The following NRG1 variants were observed in gnomAD, a reference collection of about 807,000 sequenced individuals.
NRG1 encodes the protein pro-neuregulin-1, membrane-bound isoform.
Under a neutral mutation model 63.8 loss-of-function variants are expected in NRG1, and 18 were observed. The observed-to-expected ratio is 0.28, with a 90% CI of 0.19 to 0.42. The LOEUF (loss-of-function observed/expected upper bound fraction) is 0.42. Ranked by LOEUF, NRG1 falls within the 10% of genes least tolerant of loss-of-function variation. The probability of loss-of-function intolerance (pLI) is 1.00; values close to 1 mark genes in which losing one functional copy is unlikely to be tolerated. For missense variants in NRG1, 762 were observed against 814.7 expected (o/e 0.94, Z 0.79); for synonymous variants, 302 against 301.3 (o/e 1.00, Z -0.02).
intron 1 of NRG1, among the ~76,000 whole-genome samples, chr8:31,922,208 C>A (rs1406931160): frequency 6.6e-6 from 1 of 152,122 alleles, no homozygotes; most frequent in African/African-American, 2.4e-5. Context: ...CTTGTTATCG[C>A]ATTAGTTGTT....
At position 31,786,134 on chromosome 8, in the gene NRG1, T is replaced by A. The variant is rs547211812; in HGVS notation, c.37+146703T>A. ...TGGAGGTTTGGGGTTGAGGTAGCAA[T>A]GGGGAGATAAAATGAATATGGCTTG... On this transcript the variant is annotated intron_variant, in intron 1 of 10. Transcript: ENST00000519301. Among the ~76,000 whole-genome samples the A allele has an allele frequency of 8.5e-5, 13 of 152,176 alleles. No individual in the cohort carries two copies. The East Asian group carries it at 2.3e-3, about 27-fold the overall frequency.
chr8:31,845,102 G>A (rs1033095453), intron 1 of NRG1, among the ~76,000 whole-genome samples: 13 of 123,260 alleles, frequency 1.1e-4, no homozygotes, highest in African/African-American at 4.3e-4. Context: ...GTGAGACTCC[G>A]TCTCAAATAA....
chr8:31,820,575 G>T (rs183036827), intron 1 of NRG1, among the ~76,000 whole-genome samples: 1 of 152,152 alleles, frequency 6.6e-6, no homozygotes, highest in Non-Finnish European at 1.5e-5. Context: ...TGTTCACAGA[G>T]AATTGTCTCT....
intron 1 of NRG1, among the ~76,000 whole-genome samples, chr8:31,720,131 A>G (rs1421197662): frequency 6.6e-6 from 1 of 152,138 alleles, no homozygotes; most frequent in African/African-American, 2.4e-5. Context: ...TTGTATCTCT[A>G]TGATAGCATG....
chr8:32,416,359 C>CT (rs1401088916), intron 1 of NRG1, among the ~76,000 whole-genome samples: 1 of 148,492 alleles, frequency 6.7e-6, no homozygotes, highest in Non-Finnish European at 1.5e-5. Context: ...TCCCTTCCTC[C>CT]TTTCACCTCC....
chr8:31,656,245 A>T (rs1162547177), intron 1 of NRG1, among the ~76,000 whole-genome samples: 2 of 152,216 alleles, frequency 1.3e-5, no homozygotes, highest in Non-Finnish European at 2.9e-5. Context: ...AGGAAGACCC[A>T]AAAAGGATTC....
At chr8:32,543,385 G>A (rs116688754), upstream of NRG1, among the ~76,000 whole-genome samples, 1,102 of 152,098 alleles carry the variant, frequency 7.2e-3, 16 homozygotes, top group African/African-American at 0.024. Flanking sequence ...GCATTGCCAG[G>A]GGACTGAGGA....
At chr8:32,713,974 A>G (rs1818517685) in intron 5 of NRG1, among the ~76,000 whole-genome samples, 4 of 151,730 alleles carry the variant, frequency 2.6e-5, no homozygotes, top group African/African-American at 4.8e-5. Context: ...ACAGGCACAC[A>G]CCACCATGCC....
intron 1 of NRG1, among the ~76,000 whole-genome samples, chr8:32,304,994 GAC>G (rs1563293260): frequency 6.6e-6 from 1 of 151,932 alleles, no homozygotes; most frequent in East Asian, 1.9e-4. Flanking sequence ...CAGCCTGGGC[GAC>G]AGAGAGAGAC....
chr8:32,181,623 T>C (rs1841437139), intron 1 of NRG1, among the ~76,000 whole-genome samples: 1 of 152,226 alleles, frequency 6.6e-6, no homozygotes, highest in African/African-American at 2.4e-5. Flanking sequence ...TAATAAGAGA[T>C]GTGCTTCCAG....
At chr8:32,523,017 G>A (rs1830486192) in intron 1 of NRG1, among the ~76,000 whole-genome samples, 1 of 152,076 alleles carries the variant, frequency 6.6e-6, no homozygotes, top group African/African-American at 2.4e-5. Context: ...GTCCAGGCTG[G>A]TCTTGATCTC....
At chr8:32,675,793 A>C (rs182166477) in intron 5 of NRG1, among the ~76,000 whole-genome samples, 109 of 152,338 alleles carry the variant, frequency 7.2e-4, no homozygotes, top group African/African-American at 2.0e-3. Flanking sequence ...GCTTTTAATC[A>C]TCAATAAAAT....
At chr8:32,525,120 A>G (rs1197405050) in intron 1 of NRG1, among the ~76,000 whole-genome samples, 8 of 152,198 alleles carry the variant, frequency 5.3e-5, no homozygotes, top group Non-Finnish European at 1.0e-4. Context: ...AAATTATGAG[A>G]TGGGCACTTG....
At chr8:31,785,453 A>G (rs567981628) in intron 1 of NRG1, among the ~76,000 whole-genome samples, 1 of 152,322 alleles carries the variant, frequency 6.6e-6, no homozygotes, top group East Asian at 1.9e-4. Flanking sequence ...GAAGACAGCC[A>G]TATTATTTTG....
At chr8:31,858,610 CA>C (rs927320023) in intron 1 of NRG1, among the ~76,000 whole-genome samples, 1 of 151,990 alleles carries the variant, frequency 6.6e-6, no homozygotes, top group African/African-American at 2.4e-5. Flanking sequence ...AAACTTACAC[CA>C]AAAAAATGTT....
chr8:32,394,302 T>C (rs1812161439), intron 1 of NRG1, among the ~76,000 whole-genome samples: 1 of 152,222 alleles, frequency 6.6e-6, no homozygotes, highest in Admixed American at 6.5e-5. Context: ...CAATGCTCTT[T>C]AGATATTCTT....
intron 1 of NRG1, among the ~76,000 whole-genome samples, chr8:32,584,411 T>C (rs535519323): frequency 6.6e-6 from 1 of 152,292 alleles, no homozygotes; most frequent in South Asian, 2.1e-4. Context: ...AAGGAGGTTT[T>C]AAAGGTCCTT....
At chr8:31,829,641 T>A (rs1231845454) in intron 1 of NRG1, among the ~76,000 whole-genome samples, 1 of 152,066 alleles carries the variant, frequency 6.6e-6, no homozygotes, top group Non-Finnish European at 1.5e-5. Context: ...GAGCATTTGA[T>A]AAGGTGTAAA....
chr8:32,548,442 G>A (rs2129523158), exon 1 of NRG1: 2 of 1,151,520 alleles, frequency 1.7e-6, no homozygotes, highest in East Asian at 4.4e-5. Context: ...GCAGAGGCCA[G>A]GACGCGAGCC....
Sources: gnomAD v4.1 joint callset for allele counts (sites outside exome capture counted in the v4.1 genomes callset) on GRCh38, gnomAD v4.1.1 for gene constraint, MANE v1.5 for transcripts, NCBI Gene and HGNC (gene_info 2026-07-23, HGNC 2026-07-21) for gene names.